BRINP3: variants seen among roughly 807,000 people sequenced by gnomAD.
BRINP3 encodes BMP/retinoic acid inducible neural specific 3, also known as BMP/retinoic acid-inducible neural-specific protein 3.
BRINP3 carries 19 observed loss-of-function variants against 71.0 expected under a neutral mutation model. The observed-to-expected ratio is 0.27, with a 90% confidence interval of 0.19 to 0.39. The LOEUF is 0.39. Among genes scored for constraint, BRINP3 ranks in the 10% least tolerant of loss-of-function variants. BRINP3 has a pLI of 1.00. For missense variants in BRINP3, 959 were observed against 940.8 expected (o/e 1.02, Z -0.25); for synonymous variants, 380 against 337.7 (o/e 1.13, Z -1.37).
At chr1:190,352,264 A>G (rs1476835852) in intron 2 of BRINP3, among the ~76,000 whole-genome samples, 1 of 152,068 alleles carries the variant, frequency 6.6e-6, no homozygotes, top group African/African-American at 2.4e-5. Flanking sequence ...ATAGTTAAAC[A>G]CAATTCACAG....
At chr1:190,260,511 T>C (rs1450682659) in intron 4 of BRINP3, among the ~76,000 whole-genome samples, 1 of 151,656 alleles carries the variant, frequency 6.6e-6, no homozygotes, top group Non-Finnish European at 1.5e-5. Context: ...CATATGCATA[T>C]TTTCTTGGGT....
At chr1:190,349,630 C>A (rs1668244332) in intron 2 of BRINP3, among the ~76,000 whole-genome samples, 1 of 152,028 alleles carries the variant, frequency 6.6e-6, no homozygotes, top group African/African-American at 2.4e-5. Context: ...CAGCACAGTT[C>A]TAAATAGGCT....
intron 2 of BRINP3, among the ~76,000 whole-genome samples, chr1:190,433,958 G>A (rs114929451): frequency 0.015 from 2,329 of 151,974 alleles, 62 homozygotes; most frequent in African/African-American, 0.052. Context: ...CCCCACCCCG[G>A]TTTTCTGCGA....
At chr1:190,141,555 C>CTTTTTTTTTTTTTTTTTT (rs35090212) in intron 7 of BRINP3, among the ~76,000 whole-genome samples, 9 of 82,380 alleles carry the variant, frequency 1.1e-4, no homozygotes, top group Admixed American at 3.3e-4. Context: ...TCTTTCTTTC[C>CTTTTTTTTTTTTTTTTTT]TTTTTTTTTT....
intron 6 of BRINP3, among the ~76,000 whole-genome samples, chr1:190,204,576 C>A (rs1223386197): frequency 6.6e-6 from 1 of 151,834 alleles, no homozygotes; most frequent in South Asian, 2.1e-4. Context: ...AATTGAATGT[C>A]CTGCCTTCAG....
At chr1:190,410,035 C>T (rs937365694) in intron 2 of BRINP3, among the ~76,000 whole-genome samples, 1 of 151,844 alleles carries the variant, frequency 6.6e-6, no homozygotes, top group Non-Finnish European at 1.5e-5. Context: ...TCTTTTATTT[C>T]CCTTCCTTCT....
At chr1:190,385,562 A>G (rs956982482) in intron 2 of BRINP3, among the ~76,000 whole-genome samples, 56 of 152,144 alleles carry the variant, frequency 3.7e-4, no homozygotes, top group African/African-American at 1.3e-3. Context: ...AATGGCAATC[A>G]TTAAAAAGTC....
chr1:190,191,539 G>C (rs1166570391), intron 6 of BRINP3, among the ~76,000 whole-genome samples: 4 of 152,062 alleles, frequency 2.6e-5, no homozygotes, highest in African/African-American at 9.7e-5. Flanking sequence ...GTTTGCTGAG[G>C]ATGATGGCCT....
At chr1:190,433,424 A>C (rs1171039) in intron 2 of BRINP3, among the ~76,000 whole-genome samples, 142,951 of 152,216 alleles carry the variant, frequency 0.94, 67,398 homozygotes, top group East Asian at 1. Flanking sequence ...ACATCATGTT[A>C]CTTGTCTTCC....
At chr1:190,229,408 G>A (rs1194800347) in intron 5 of BRINP3, among the ~76,000 whole-genome samples, 1 of 151,774 alleles carries the variant, frequency 6.6e-6, no homozygotes, top group African/African-American at 2.4e-5. Flanking sequence ...AGGCATCCTC[G>A]GCCATGTGGA....
intron 3 of BRINP3, among the ~76,000 whole-genome samples, chr1:190,267,337 A>T (rs202161583): frequency 6.6e-6 from 1 of 152,200 alleles, no homozygotes; most frequent in East Asian, 1.9e-4. Context: ...AGTTAACAGA[A>T]AATTTAAAAA....
At position 190,143,544 on chromosome 1, in the gene BRINP3, C is replaced by A. The variant is rs144336803; in HGVS notation, c.1184+17124G>T. Among the ~76,000 whole-genome samples, 10 of 152,236 alleles carry A rather than the reference C, an allele frequency of 6.6e-5. No homozygotes were observed. In the East Asian group the frequency reaches 1.9e-3, roughly 29 times the overall value. On this transcript the variant is annotated intron_variant, in intron 7 of 7. Coordinates refer to ENST00000367462, the MANE Select transcript of BRINP3 (RefSeq NM_199051.3). ...ATAATAGAATGTTCTGAGAGGGATG[C>A]TTCAACAAGCAACACCCCCAAAACT...
chr1:190,109,616 A>G (rs1652491951), intron 7 of BRINP3, among the ~76,000 whole-genome samples: 1 of 152,222 alleles, frequency 6.6e-6, no homozygotes, highest in Non-Finnish European at 1.5e-5. Flanking sequence ...GAATCAGTGG[A>G]CTGAATAAAG....
At chr1:190,115,162 A>T (rs1202446696) in intron 7 of BRINP3, among the ~76,000 whole-genome samples, 1 of 152,184 alleles carries the variant, frequency 6.6e-6, no homozygotes, top group East Asian at 1.9e-4. Context: ...TAAAGAATGG[A>T]TGAATAAATT....
intron 2 of BRINP3, among the ~76,000 whole-genome samples, chr1:190,426,550 A>T (rs1293202112): frequency 6.9e-6 from 1 of 144,544 alleles, no homozygotes; most frequent in African/African-American, 2.6e-5. Flanking sequence ...ACTCAAACAA[A>T]CATTTTTAGA....
chr1:190,201,724 C>A (rs576913920), intron 6 of BRINP3, among the ~76,000 whole-genome samples: 3 of 151,520 alleles, frequency 2.0e-5, no homozygotes, highest in Admixed American at 2.0e-4. Flanking sequence ...ACATAGAATT[C>A]GGAACGTGGC....
intron 2 of BRINP3, among the ~76,000 whole-genome samples, chr1:190,359,268 TG>T (rs1668969442): frequency 6.6e-6 from 1 of 152,092 alleles, no homozygotes; most frequent in South Asian, 2.1e-4. Flanking sequence ...TCATCGCTCC[TG>T]GGAGGTATTT....
intron 2 of BRINP3, among the ~76,000 whole-genome samples, chr1:190,424,211 C>T (rs768780578): frequency 6.6e-5 from 10 of 151,604 alleles, no homozygotes; most frequent in Non-Finnish European, 1.2e-4. Flanking sequence ...TCTAATTCTA[C>T]TGTGGATATT....
At position 190,313,104 on chromosome 1, in the gene BRINP3, G is replaced by GA. The variant is rs961305660; in HGVS notation, c.237-31355dup. 1.6e-4 allele frequency among the ~76,000 whole-genome samples: 24 copies of GA among 151,268 alleles called. No homozygotes were observed. In the South Asian group the frequency reaches 4.0e-3, roughly 25 times the overall value. ...AATTACAAGTAATTTAGAGCAATTT[G>GA]AAAAAAAATAAGTAAAATTATAATT... On this transcript the variant is annotated intron_variant, in intron 2 of 7. Coordinates refer to ENST00000367462, the MANE Select transcript of BRINP3 (RefSeq NM_199051.3).
Sources: gnomAD v4.1 joint callset for allele counts (sites outside exome capture counted in the v4.1 genomes callset) on GRCh38, gnomAD v4.1.1 for gene constraint, MANE v1.5 for transcripts, NCBI Gene and HGNC (gene_info 2026-07-23, HGNC 2026-07-21) for gene names.